Variants in USP24 observed in about 807,000 individuals in gnomAD.
USP24 encodes ubiquitin specific peptidase 24.
A neutral mutation model predicts 361.6 loss-of-function variants in USP24; 97 were observed. The ratio of observed to expected loss-of-function variants is 0.27; its 90% CI spans 0.23 to 0.32. The LOEUF (loss-of-function observed/expected upper bound fraction) is 0.32. USP24 is among the 10% of genes least tolerant of loss of function. The probability of loss-of-function intolerance (pLI) is 1.00; values close to 1 mark genes in which losing one functional copy is unlikely to be tolerated. For synonymous variants in USP24, 1,098 were observed against 1,124.6 expected (o/e 0.98, Z 0.47); for missense variants, 2,353 against 3,165.6 (o/e 0.74, Z 6.16).
intron 39 of USP24, among the ~76,000 whole-genome samples, chr1:55,108,157 G>A (rs1380887853): frequency 6.6e-6 from 1 of 152,170 alleles, no homozygotes. Flanking sequence ...AACCAAGGGA[G>A]GGCTGAGTTC....
intron 67 of USP24, among the ~76,000 whole-genome samples, chr1:55,070,479 G>A (rs1644899394): frequency 6.6e-6 from 1 of 152,220 alleles, no homozygotes; most frequent in South Asian, 2.1e-4. Flanking sequence ...AAGAGCGCCA[G>A]GAGCGCTAGA....
chr1:55,183,843 C>T (rs957948979), intron 1 of USP24, among the ~76,000 whole-genome samples: 1 of 152,016 alleles, frequency 6.6e-6, no homozygotes, highest in African/African-American at 2.4e-5. Flanking sequence ...GCTGGAATGG[C>T]TATATTAGAC....
chr1:55,206,577 T>C (rs1569815249), intron 1 of USP24, among the ~76,000 whole-genome samples: 2 of 151,842 alleles, frequency 1.3e-5, no homozygotes, highest in Middle Eastern at 6.8e-3. Flanking sequence ...ACAAAACCAT[T>C]TTACCAAGAT....
chr1:55,083,790 G>C lies in USP24; in HGVS notation c.6864C>G (p.Phe2288Leu). 6.3e-7 allele frequency: 1 copy of C among 1,594,394 alleles called. No individual in the cohort carries two copies. The highest frequency in any genetic ancestry group is 8.5e-7 in the Non-Finnish European group (1 of 1,170,150). The change falls in exon 57 of 68, where the codon TTC (phenylalanine) becomes TTG (leucine). Residue 2288 changes from phenylalanine (F) to leucine (L), a missense_variant. Phe to Leu is a conservative substitution (Grantham distance 22). Coordinates refer to ENST00000294383, the MANE Select transcript of USP24 (RefSeq NM_015306.3). Reference protein sequence around the residue: ...CKNCAQYFFLFNTFVQKQGIR... With the variant: ...CKNCAQYFFLLNTFVQKQGIR... ...TATTTACCTTTTGTACAAAAGTGTT[G>C]AACAGGAAAAAGTACTGAGCACAGT...
intron 1 of USP24, among the ~76,000 whole-genome samples, chr1:55,192,977 C>T (rs1644328362): frequency 6.6e-6 from 1 of 152,100 alleles, no homozygotes; most frequent in South Asian, 2.1e-4. Context: ...TCCTCCACAC[C>T]CATGGGTTCA....
intron 16 of USP24, among the ~76,000 whole-genome samples, chr1:55,149,502 A>G (rs1046510539): frequency 6.6e-6 from 1 of 152,170 alleles, no homozygotes; most frequent in Non-Finnish European, 1.5e-5. Flanking sequence ...ACATCTCACT[A>G]TTGAATATGT....
At chr1:55,073,754 A>G in intron 64 of USP24, 74 bp downstream of exon 64, 1 of 1,393,848 alleles carries the variant, frequency 7.2e-7, no homozygotes, top group Non-Finnish European at 1.0e-6. Context: ...AACCGGGCAC[A>G]TGTTCCCCTT....
At position 55,075,662 on chromosome 1, in the gene USP24, ACAACACCACCAC is replaced by A. The variant is rs771655673; in HGVS notation, c.7381-151_7381-140del. 5,111 of 455,460 alleles carry A rather than the reference ACAACACCACCAC, an allele frequency of 0.011. 89 individuals carry two copies. In the African/African-American group the frequency reaches 0.12, roughly 11 times the overall value. The allele number at this position is 455,460 out of a possible 1,614,324, so 28.2% of individuals were successfully genotyped here. On this transcript the variant is annotated intron_variant, in intron 62 of 67. Coordinates refer to ENST00000294383, the MANE Select transcript of USP24 (RefSeq NM_015306.3). ...AACAACAACAACAACAACAACAACAACAACACCACCACCACCAATACAGGACGGGCATGGTGG... is the reference window on the plus strand; with the variant it reads ...AACAACAACAACAACAACAACAACAACACCAATACAGGACGGGCATGGTGG...
rs758187429 is a variant in USP24 at position 55,141,739 on chromosome 1, A to G, written c.2635-8T>C. 22 of 1,593,498 alleles carry G rather than the reference A, an allele frequency of 1.4e-5. No individual in the cohort carries two copies. The South Asian group carries it at 2.3e-4, about 16-fold the overall frequency. ...AAGTGCTGAACTGGCTGCCTAAAAA[A>G]TACCAAACAGTCATTCTCTATCAGG... On this transcript the variant is annotated splice_region_variant and splice_polypyrimidine_tract_variant and intron_variant, in intron 23 of 67. Transcript: ENST00000294383.
chr1:55,209,947 T>G (rs1569837442), intron 1 of USP24, among the ~76,000 whole-genome samples: 1 of 152,226 alleles, frequency 6.6e-6, no homozygotes, highest in Non-Finnish European at 1.5e-5. Context: ...CTTAAGTATA[T>G]GGACATATTT....
chr1:55,207,491 AT>A (rs1644741827), intron 1 of USP24, among the ~76,000 whole-genome samples: 1 of 152,236 alleles, frequency 6.6e-6, no homozygotes, highest in Admixed American at 6.5e-5. Flanking sequence ...ATATCTGCAG[AT>A]TCAACCAACT....
At chr1:55,135,716 G>A (rs937482994) in intron 28 of USP24, among the ~76,000 whole-genome samples, 1 of 151,728 alleles carries the variant, frequency 6.6e-6, no homozygotes, top group Non-Finnish European at 1.5e-5. Context: ...TCTTACATTT[G>A]GAATTAAAGA....
intron 55 of USP24, 114 bp from the exon 56 acceptor site, chr1:55,086,152 T>C (rs1645246461): frequency 1.4e-5 from 14 of 982,294 alleles, no homozygotes; most frequent in Non-Finnish European, 2.0e-5. Context: ...CTCCTGACAG[T>C]GTTAGCGCTT....
chr1:55,198,245 G>A (rs917665567), intron 1 of USP24, among the ~76,000 whole-genome samples: 22 of 151,808 alleles, frequency 1.4e-4, no homozygotes, highest in African/African-American at 4.6e-4. Flanking sequence ...GCCTTCCAAC[G>A]TGCTGGGATT....
At chr1:55,185,539 G>GA (rs1477549677) in intron 1 of USP24, among the ~76,000 whole-genome samples, 1 of 152,000 alleles carries the variant, frequency 6.6e-6, no homozygotes, top group Non-Finnish European at 1.5e-5. Context: ...TAATAAGAAT[G>GA]AAAGAAAAAA....
chr1:55,185,920 C>T (rs1031238133), intron 1 of USP24, among the ~76,000 whole-genome samples: 2 of 152,162 alleles, frequency 1.3e-5, no homozygotes, highest in African/African-American at 2.4e-5. Flanking sequence ...AGATATACTA[C>T]TAACAAATGT....
In USP24 at chr1:55,075,659, AC is replaced by A. The variant is rs1557525774; in HGVS notation, c.7381-137del. 1,082 of 499,376 alleles carry A rather than the reference AC, an allele frequency of 2.2e-3. 14 individuals are homozygous for A. Among genetic ancestry groups the A allele is most frequent in the African/African-American group, 9.3e-3 (285 of 30,746 alleles). 30.9% of individuals were successfully genotyped at this position (499,376 alleles called of 1,614,324 possible). A position where few individuals can be genotyped will look rare whatever the true frequency, so the allele number is the denominator to read the frequency against. On this transcript the variant is annotated intron_variant, in intron 62 of 67. Transcript: ENST00000294383. ...AACAACAACAACAACAACAACAACAACAACAACACCACCACCACCAATACAG... is the reference window on the plus strand; with the variant it reads ...AACAACAACAACAACAACAACAACAAAACAACACCACCACCACCAATACAG...
intron 42 of USP24, 27 bp from the exon 43 acceptor site, chr1:55,101,730 A>G (rs1452286207): frequency 1.3e-6 from 2 of 1,571,146 alleles, no homozygotes; most frequent in Non-Finnish European, 1.7e-6. Flanking sequence ...TAGAAACAGC[A>G]GAGGAGAAGA....
intron 64 of USP24, 81 bp from the exon 65 acceptor site, chr1:55,072,942 T>C: frequency 2.2e-6 from 3 of 1,350,098 alleles, no homozygotes; most frequent in Non-Finnish European, 3.1e-6. Flanking sequence ...TAAATGCTAG[T>C]TTCATTAAAA....
Sources: allele counts gnomAD v4.1 joint callset (sites outside exome capture counted in the v4.1 genomes callset), GRCh38; gene constraint gnomAD v4.1.1; transcripts MANE v1.5; gene names NCBI Gene and HGNC (gene_info 2026-07-23, HGNC 2026-07-21).